The following GOLGA8A variants were observed in gnomAD, a reference collection of about 807,000 sequenced individuals.
The protein encoded by GOLGA8A is golgin A8 family member A.
GOLGA8A carries 3 observed loss-of-function variants against 22.1 expected under a neutral mutation model. That is an observed-to-expected ratio of 0.14 (90% CI 0.06 to 0.35). The LOEUF (loss-of-function observed/expected upper bound fraction) is 0.35, where lower values mean the gene tolerates loss of function less well. Among genes scored for constraint, GOLGA8A ranks in the 10% least tolerant of loss-of-function variants. The pLI is 1.00. For missense variants in GOLGA8A, 16 were observed against 233.2 expected (o/e 0.07, Z 6.07); for synonymous variants, 7 against 91.7 (o/e 0.08, Z 5.28).
chr15:34,428,287 G>A (rs1893071770), intron 2 of GOLGA8A, among the ~76,000 whole-genome samples: 1 of 147,254 alleles, frequency 6.8e-6, no homozygotes, highest in African/African-American at 2.5e-5. Flanking sequence ...TAGAGGTGAG[G>A]TCTCCCTGTG....
At chr15:34,437,269 G>A (rs1224898142) in intron 1 of GOLGA8A, 129 bp downstream of exon 1, 2 of 145,790 alleles carry the variant, frequency 1.4e-5, no homozygotes, top group Admixed American at 6.8e-5. Flanking sequence ...GAGTCCGGGG[G>A]GCAGCGCTCG....
At chr15:34,426,913 C>G (rs1893006732) in intron 2 of GOLGA8A, among the ~76,000 whole-genome samples, 1 of 144,364 alleles carries the variant, frequency 6.9e-6, no homozygotes, top group African/African-American at 2.5e-5. Flanking sequence ...GATGGCAGAT[C>G]TATTTAATGA....
rs1426623954 is a variant in GOLGA8A, at chr15:34,428,096, C to T, written c.-1123+7287G>A. Among the ~76,000 whole-genome samples, 3 of 138,666 alleles carry T rather than the reference C, an allele frequency of 2.2e-5. 1 individual carries two copies. The highest frequency in any genetic ancestry group is 4.2e-4 in the East Asian group (2 of 4,760). 91.0% of individuals were successfully genotyped at this position (138,666 alleles called of 152,430 possible). On this transcript the variant is annotated intron_variant, in intron 2 of 24. Coordinates refer to ENST00000359187, the MANE Select transcript of GOLGA8A (RefSeq NM_181077.5). ...GCTTTCTCTCCTTCAAATCAGACTT[C>T]TTTTTTTTTTTTTGAGAGAGAGAAG...
chr15:34,379,730 T>C lies in GOLGA8A; in HGVS notation c.*1681A>G, dbSNP rs1210509855. The stretch of plus-strand genomic sequence containing the variant: ...TACATATCTCCCTACAACCTAATAA[T>C]GTGATGTGTTTTGGAACACAGACAT... On this transcript the variant is annotated 3_prime_UTR_variant, in exon 25 of 25. Coordinates refer to ENST00000359187, the MANE Select transcript of GOLGA8A (RefSeq NM_181077.5). The C allele has an allele frequency of 5.9e-5, 9 of 152,626 alleles. No individual in the cohort carries two copies. Among genetic ancestry groups the C allele is most frequent in the Admixed American group, 5.9e-4 (9 of 15,286 alleles). 9.5% of individuals were successfully genotyped at this position (152,626 alleles called of 1,614,324 possible).
chr15:34,427,443 G>A lies in GOLGA8A; in HGVS notation c.-1123+7940C>T, dbSNP rs1219370746. Reference sequence around the variant, plus strand: ...AAACTTGCTTTAAAGTCCAATTGTGGGGATTTGATGTAGATGGTTCCATTT... The same window carrying A: ...AAACTTGCTTTAAAGTCCAATTGTGAGGATTTGATGTAGATGGTTCCATTT... On this transcript the variant is annotated intron_variant, in intron 2 of 24. Coordinates refer to ENST00000359187, the MANE Select transcript of GOLGA8A (RefSeq NM_181077.5). Among the ~76,000 whole-genome samples the A allele has an allele frequency of 2.0e-5, 3 of 149,096 alleles. No individual in the cohort carries two copies. The East Asian group carries it at 5.9e-4, about 29-fold the overall frequency.
chr15:34,400,985 C>G (rs1892043306), intron 5 of GOLGA8A, among the ~76,000 whole-genome samples: 1 of 87,928 alleles, frequency 1.1e-5, no homozygotes, highest in Non-Finnish European at 2.7e-5. Context: ...TACATCTTAT[C>G]TAGATTCCAT....
intron 2 of GOLGA8A, among the ~76,000 whole-genome samples, chr15:34,434,891 C>T (rs1313476358): frequency 6.7e-6 from 1 of 149,536 alleles, no homozygotes; most frequent in African/African-American, 2.5e-5. Flanking sequence ...AGTGGTACAG[C>T]CAGGGCCGCT....
intron 2 of GOLGA8A, among the ~76,000 whole-genome samples, chr15:34,412,024 G>GTTT (rs1206230155): frequency 2.5e-4 from 4 of 16,052 alleles, no homozygotes; most frequent in Admixed American, 2.2e-3. Flanking sequence ...CTGGTCCTGG[G>GTTT]TTTTTTTTTT....
At chr15:34,429,699 TCTCAGAAAATACCTA>T (rs907139223) in intron 2 of GOLGA8A, among the ~76,000 whole-genome samples, 1 of 144,134 alleles carries the variant, frequency 6.9e-6, no homozygotes, top group African/African-American at 2.5e-5. Flanking sequence ...TATAGTAGCT[TCTCAGAAAATACCTA>T]CTGAGTACAC....
In GOLGA8A at chr15:34,427,508, C is replaced by T. The variant is rs550322012; in HGVS notation, c.-1123+7875G>A. Among the ~76,000 whole-genome samples, 198 of 148,450 alleles carry T rather than the reference C, an allele frequency of 1.3e-3. 18 individuals are homozygous for T. The highest frequency in any genetic ancestry group is 4.1e-3 in the African/African-American group (164 of 40,132). ...AGAGGAAATCTAAAAATTCTTCCTT[C>T]CAGCTCAACAGAGCAAATCCACCTA... On this transcript the variant is annotated intron_variant, in intron 2 of 24. Coordinates refer to ENST00000359187, the MANE Select transcript of GOLGA8A (RefSeq NM_181077.5).
In GOLGA8A at chr15:34,386,358, C is replaced by T. The variant is rs1380977991; in HGVS notation, c.285+267G>A. Among the ~76,000 whole-genome samples the T allele has an allele frequency of 5.1e-5, 7 of 137,934 alleles. No individual in the cohort carries two copies. The East Asian group carries it at 6.2e-4, about 12-fold the overall frequency. 90.5% of individuals were successfully genotyped at this position (137,934 alleles called of 152,430 possible). A position where few individuals can be genotyped will look rare whatever the true frequency, so the allele number is the denominator to read the frequency against. ...CGGGGCCCCTGACAACCAGTCAGGC[C>T]AGCACTTCCCCAAGAGGCAACAACC... is the stretch of plus-strand genomic sequence containing the variant. On this transcript the variant is annotated intron_variant, in intron 12 of 24. Transcript: ENST00000359187.
intron 8 of GOLGA8A, among the ~76,000 whole-genome samples, chr15:34,397,459 T>C (rs1891899893): frequency 2.0e-5 from 3 of 148,506 alleles, no homozygotes; most frequent in Admixed American, 1.4e-4. Flanking sequence ...TTGAAGTCTG[T>C]ATTCTGTATC....
At chr15:34,397,576 T>G (rs1211762924) in intron 8 of GOLGA8A, among the ~76,000 whole-genome samples, 1 of 145,506 alleles carries the variant, frequency 6.9e-6, no homozygotes, top group African/African-American at 2.5e-5. Flanking sequence ...GAATTCATAG[T>G]TGCCTGCTTT....
chr15:34,400,831 C>T (rs1215331351), intron 5 of GOLGA8A, 72 bp from the exon 6 acceptor site: 2 of 140,760 alleles, frequency 1.4e-5, no homozygotes. Context: ...TAAGATATAT[C>T]CACAAGCAAA....
chr15:34,429,922 C>T lies in GOLGA8A; in HGVS notation c.-1123+5461G>A, dbSNP rs966929496. ...TATTAGATTAAGCCACCCTATGTGA[C>T]AGATAAAAGGAGCAACACATACAAG... On this transcript the variant is annotated intron_variant, in intron 2 of 24. Transcript: ENST00000359187. Among the ~76,000 whole-genome samples the T allele has an allele frequency of 5.1e-4, 75 of 148,062 alleles. 6 individuals carry two copies. The highest frequency in any genetic ancestry group is 1.5e-3 in the African/African-American group (61 of 40,200).
At chr15:34,425,062 G>C (rs1310530783) in intron 2 of GOLGA8A, among the ~76,000 whole-genome samples, 1 of 146,630 alleles carries the variant, frequency 6.8e-6, no homozygotes, top group Non-Finnish European at 1.5e-5. Flanking sequence ...AATCCAGCCT[G>C]GGTGACAAAG....
chr15:34,430,619 G>C (rs1893184611), intron 2 of GOLGA8A, among the ~76,000 whole-genome samples: 1 of 149,434 alleles, frequency 6.7e-6, no homozygotes, highest in African/African-American at 2.5e-5. Flanking sequence ...TTAGAGGCTG[G>C]AGGTAGTGCC....
At chr15:34,434,884 G>A (rs769731796) in intron 2 of GOLGA8A, among the ~76,000 whole-genome samples, 1 of 149,546 alleles carries the variant, frequency 6.7e-6, no homozygotes, top group Non-Finnish European at 1.5e-5. Context: ...GCCTGTGAGT[G>A]GTACAGCCAG....
chr15:34,386,548 CCTT>C (rs1171204280), intron 12 of GOLGA8A, 74 bp downstream of exon 12: 1 of 1,380,294 alleles, frequency 7.2e-7, no homozygotes, highest in Non-Finnish European at 9.7e-7. Context: ...CCCCCAGCCC[CCTT>C]CTTCAGGGCC....
Sources: gnomAD v4.1 joint callset for allele counts (sites outside exome capture counted in the v4.1 genomes callset) on GRCh38, gnomAD v4.1.1 for gene constraint, MANE v1.5 for transcripts, NCBI Gene and HGNC (gene_info 2026-07-23, HGNC 2026-07-21) for gene names.